The following RPS6KC1 variants were observed in gnomAD, a reference collection of about 807,000 sequenced individuals.
The protein encoded by RPS6KC1 is inactive ribosomal protein S6 kinase delta-1.
In RPS6KC1, 54 loss-of-function variants were observed where a neutral mutation model predicts 103.8. That is an observed-to-expected ratio of 0.52 (90% CI 0.42 to 0.65). The LOEUF (loss-of-function observed/expected upper bound fraction) is 0.65. RPS6KC1 is among the 30% of genes least tolerant of loss of function. The pLI is 0.00. For synonymous variants in RPS6KC1, 439 were observed against 438.7 expected (o/e 1.00, Z -0.01); for missense variants, 1,151 against 1,253.8 (o/e 0.92, Z 1.24).
At chr1:213,288,717 T>G in the RPS6KC1 span, among the ~76,000 whole-genome samples, 6 of 152,232 alleles carry the variant, frequency 3.9e-5, no homozygotes, top group Non-Finnish European at 7.3e-5. Flanking sequence ...ATAACAGGAC[T>G]GAACTATACC....
At chr1:213,427,531 A>AT in the RPS6KC1 span, among the ~76,000 whole-genome samples, 5 of 151,850 alleles carry the variant, frequency 3.3e-5, no homozygotes, top group African/African-American at 4.8e-5. Flanking sequence ...AAACTTTATT[A>AT]TTTTTCTGTC....
chr1:213,561,219 A>T, the RPS6KC1 span, among the ~76,000 whole-genome samples: 1 of 152,178 alleles, frequency 6.6e-6, no homozygotes, highest in Non-Finnish European at 1.5e-5. Flanking sequence ...GTCTTTGAAG[A>T]CTTTCTTTTC....
At chr1:213,416,505 G>A in the RPS6KC1 span, among the ~76,000 whole-genome samples, 4 of 152,202 alleles carry the variant, frequency 2.6e-5, no homozygotes, top group Non-Finnish European at 5.9e-5. Flanking sequence ...GTGGGAGGGC[G>A]AGTGAAAGGG....
chr1:213,536,437 C>T, the RPS6KC1 span, among the ~76,000 whole-genome samples: 6 of 152,294 alleles, frequency 3.9e-5, no homozygotes, highest in East Asian at 1.2e-3. Context: ...AAAACAATTT[C>T]AAAGCATGCT....
the RPS6KC1 span, among the ~76,000 whole-genome samples, chr1:213,301,771 C>T: frequency 1.4e-4 from 22 of 151,786 alleles, no homozygotes; most frequent in Middle Eastern, 3.4e-3. Flanking sequence ...CTCTCTCTGT[C>T]GCCCAGGCTA....
chr1:213,326,188 A>G, the RPS6KC1 span, among the ~76,000 whole-genome samples: 1 of 152,186 alleles, frequency 6.6e-6, no homozygotes, highest in Non-Finnish European at 1.5e-5. Flanking sequence ...TGTCAACAAG[A>G]TGAAATAAAT....
the RPS6KC1 span, among the ~76,000 whole-genome samples, chr1:213,684,822 C>A: frequency 3.9e-5 from 6 of 152,218 alleles, no homozygotes; most frequent in Admixed American, 3.9e-4. Context: ...CATGAAGTTT[C>A]TGGGCCACCA....
chr1:213,170,447 G>A (rs1456251895), intron 7 of RPS6KC1, among the ~76,000 whole-genome samples: 2 of 152,156 alleles, frequency 1.3e-5, no homozygotes, highest in Non-Finnish European at 2.9e-5. Context: ...GATATACTTT[G>A]GAGTTATACA....
the RPS6KC1 span, among the ~76,000 whole-genome samples, chr1:213,768,319 G>A: frequency 6.6e-6 from 1 of 152,082 alleles, no homozygotes; most frequent in Non-Finnish European, 1.5e-5. Context: ...ATCTGGGGCA[G>A]ATAGCTCATC....
the RPS6KC1 span, among the ~76,000 whole-genome samples, chr1:213,694,018 C>T: frequency 6.6e-6 from 1 of 152,160 alleles, no homozygotes; most frequent in Non-Finnish European, 1.5e-5. Context: ...CTCAGTGGGG[C>T]GATAGCACCC....
At chr1:213,794,375 T>A in the RPS6KC1 span, 7 of 152,290 alleles carry the variant, frequency 4.6e-5, no homozygotes, top group South Asian at 1.5e-3. Flanking sequence ...CTGCCCTTTC[T>A]CTTCTCAGAT....
rs558554840 is a variant in RPS6KC1, at chr1:213,211,319, G to A, written c.1045-19178G>A. On this transcript the variant is annotated intron_variant, in intron 8 of 14. Transcript: ENST00000366960. ...TTTTAACCTCTCTTTAGCATAATCC[G>A]TTTATGGCCTTGGGCAGATTCTTCA... Among the ~76,000 whole-genome samples the A allele has an allele frequency of 4.6e-5, 7 of 152,298 alleles. No individual in the cohort carries two copies. In the South Asian group the frequency reaches 1.5e-3, roughly 32 times the overall value.
intron 5 of RPS6KC1, among the ~76,000 whole-genome samples, chr1:213,121,990 A>G (rs1301856970): frequency 1.3e-5 from 2 of 152,166 alleles, no homozygotes; most frequent in African/African-American, 4.8e-5. Flanking sequence ...TTGTAGAGAC[A>G]CGAAAGGATC....
the RPS6KC1 span, among the ~76,000 whole-genome samples, chr1:213,325,489 G>A: frequency 6.6e-6 from 1 of 152,252 alleles, no homozygotes; most frequent in East Asian, 1.9e-4. Context: ...CCAGCAGGCA[G>A]TAGGGTACGC....
chr1:213,451,066 T>C, the RPS6KC1 span, among the ~76,000 whole-genome samples: 1 of 152,052 alleles, frequency 6.6e-6, no homozygotes. Context: ...AAATACTTAG[T>C]TCACATCGAA....
intron 9 of RPS6KC1, among the ~76,000 whole-genome samples, chr1:213,231,786 A>T (rs574929826): frequency 6.5e-4 from 99 of 152,334 alleles, no homozygotes; most frequent in African/African-American, 2.3e-3. Context: ...TGCTTTAAAG[A>T]TATAGATAAG....
chr1:213,573,602 AC>A, the RPS6KC1 span, among the ~76,000 whole-genome samples: 1 of 152,218 alleles, frequency 6.6e-6, no homozygotes, highest in South Asian at 2.1e-4. Context: ...TGTCATTTAA[AC>A]TGCTCAGCAA....
intron 12 of RPS6KC1, among the ~76,000 whole-genome samples, chr1:213,244,860 G>A (rs1422992743): frequency 6.6e-6 from 1 of 152,166 alleles, no homozygotes; most frequent in Admixed American, 6.5e-5. Context: ...AGTCTGAAGA[G>A]GTGCTTTGTT....
At chr1:213,308,450 G>A in the RPS6KC1 span, among the ~76,000 whole-genome samples, 1 of 151,854 alleles carries the variant, frequency 6.6e-6, no homozygotes, top group African/African-American at 2.4e-5. Flanking sequence ...GTAAGTCTAG[G>A]AACAGGTTAT....
Sources: allele counts gnomAD v4.1 joint callset (sites outside exome capture counted in the v4.1 genomes callset), GRCh38; gene constraint gnomAD v4.1.1; transcripts MANE v1.5; gene names NCBI Gene and HGNC (gene_info 2026-07-23, HGNC 2026-07-21).